The following TMEM132C variants were observed in gnomAD, a reference collection of about 807,000 sequenced individuals.
TMEM132C encodes the protein transmembrane protein 132C, also known as protein phosphatase 1, regulatory subunit 152.
In TMEM132C, 29 loss-of-function variants were observed where a neutral mutation model predicts 61.4. The ratio of observed to expected loss-of-function variants is 0.47; its 90% CI spans 0.35 to 0.64. The LOEUF (loss-of-function observed/expected upper bound fraction) is 0.64. TMEM132C is among the 30% of genes least tolerant of loss of function. The pLI, the probability that TMEM132C is intolerant of heterozygous loss-of-function variation, is 0.00. For synonymous variants in TMEM132C, 656 were observed against 633.1 expected (o/e 1.04, Z -0.54); for missense variants, 1,408 against 1,476.9 (o/e 0.95, Z 0.76).
chr12:128,325,506 AC>A (rs1388476618), intron 1 of TMEM132C, among the ~76,000 whole-genome samples: 1 of 152,192 alleles, frequency 6.6e-6, no homozygotes, highest in African/African-American at 2.4e-5. Context: ...ATATGTGTAT[AC>A]ATGCATGTAT....
At chr12:128,443,961 C>G (rs7137110) in intron 2 of TMEM132C, among the ~76,000 whole-genome samples, 16,557 of 152,184 alleles carry the variant, frequency 0.11, 1,126 homozygotes, top group African/African-American at 0.18. Context: ...CTCACTGTTT[C>G]ACCCAGGCTG....
intron 2 of TMEM132C, among the ~76,000 whole-genome samples, chr12:128,520,540 A>C (rs550560123): frequency 6.6e-6 from 1 of 152,346 alleles, no homozygotes; most frequent in South Asian, 2.1e-4. Flanking sequence ...TGTATACCAC[A>C]GAATTTCTTA....
chr12:128,685,968 G>C (rs893571580), intron 5 of TMEM132C, among the ~76,000 whole-genome samples: 4 of 152,182 alleles, frequency 2.6e-5, no homozygotes, highest in Non-Finnish European at 4.4e-5. Context: ...AATGTTTGCT[G>C]TTGTTATAAA....
chr12:128,469,624 C>CTTTGTGTGTGTG (rs1565945243), intron 2 of TMEM132C, among the ~76,000 whole-genome samples: 26 of 140,820 alleles, frequency 1.8e-4, no homozygotes, highest in African/African-American at 5.7e-4. Context: ...TGCTTGTATG[C>CTTTGTGTGTGTG]TTTGTGTGTG....
At chr12:128,581,610 T>C (rs1875336249) in intron 3 of TMEM132C, among the ~76,000 whole-genome samples, 1 of 152,198 alleles carries the variant, frequency 6.6e-6, no homozygotes, top group Admixed American at 6.5e-5. Flanking sequence ...CCAACCAGGA[T>C]ATTAGACACA....
chr12:128,494,831 T>C (rs915802873), intron 2 of TMEM132C, among the ~76,000 whole-genome samples: 1 of 152,032 alleles, frequency 6.6e-6, no homozygotes, highest in African/African-American at 2.4e-5. Context: ...GGGTTTTTTG[T>C]GTCTCTATCT....
chr12:128,416,711 T>C (rs1471140567), intron 2 of TMEM132C, among the ~76,000 whole-genome samples: 2 of 152,220 alleles, frequency 1.3e-5, no homozygotes, highest in Non-Finnish European at 2.9e-5. Context: ...TCCATTAGTT[T>C]CTCATCTTAA....
intron 2 of TMEM132C, chr12:128,438,192 A>G (rs1238707619): frequency 6.6e-6 from 1 of 151,894 alleles, no homozygotes; most frequent in Non-Finnish European, 1.5e-5. Flanking sequence ...TCTTCTTCAA[A>G]CCTCATGTTG....
chr12:128,339,907 AT>A (rs1196157676), intron 1 of TMEM132C, among the ~76,000 whole-genome samples: 1 of 152,186 alleles, frequency 6.6e-6, no homozygotes, highest in Non-Finnish European at 1.5e-5. Context: ...TGTGAGGACA[AT>A]TCCTGGCCAC....
intron 2 of TMEM132C, among the ~76,000 whole-genome samples, chr12:128,520,561 T>G (rs1336580901): frequency 6.6e-6 from 1 of 152,198 alleles, no homozygotes; most frequent in Non-Finnish European, 1.5e-5. Context: ...GCCTCAACAC[T>G]GCTGACATTT....
chr12:128,343,165 C>T (rs1180210247), intron 1 of TMEM132C, among the ~76,000 whole-genome samples: 1 of 152,094 alleles, frequency 6.6e-6, no homozygotes, highest in Non-Finnish European at 1.5e-5. Flanking sequence ...ATGGCTCATG[C>T]CTGTAATCCC....
intron 3 of TMEM132C, among the ~76,000 whole-genome samples, chr12:128,590,610 CTTT>C (rs1875718152): frequency 6.6e-6 from 1 of 152,120 alleles, no homozygotes; most frequent in Non-Finnish European, 1.5e-5. Context: ...TGGCAACTCC[CTTT>C]TAGACTGTTA....
intron 1 of TMEM132C, among the ~76,000 whole-genome samples, chr12:128,290,494 T>C (rs1207650816): frequency 6.6e-6 from 1 of 152,046 alleles, no homozygotes; most frequent in Non-Finnish European, 1.5e-5. Context: ...CAATTCAAGA[T>C]GAGATTTGGG....
intron 1 of TMEM132C, among the ~76,000 whole-genome samples, chr12:128,355,518 A>G (rs1873475021): frequency 1.3e-5 from 2 of 151,990 alleles, no homozygotes; most frequent in South Asian, 4.2e-4. Context: ...CCTCAACCAC[A>G]GAGATCCTCT....
intron 2 of TMEM132C, among the ~76,000 whole-genome samples, chr12:128,473,859 A>T (rs556808814): frequency 4.7e-4 from 72 of 152,246 alleles, no homozygotes; most frequent in Non-Finnish European, 7.9e-4. Flanking sequence ...TCATCACAGG[A>T]TGCCTAACTT....
intron 1 of TMEM132C, among the ~76,000 whole-genome samples, chr12:128,297,492 A>T (rs952991210): frequency 1.3e-5 from 2 of 152,184 alleles, no homozygotes; most frequent in Non-Finnish European, 2.9e-5. Context: ...TCCTTGGGAT[A>T]GTGACTGTCT....
intron 4 of TMEM132C, among the ~76,000 whole-genome samples, chr12:128,656,437 A>G (rs1954326092): frequency 6.6e-6 from 1 of 152,250 alleles, no homozygotes; most frequent in Admixed American, 6.5e-5. Context: ...TCCCAGTAGC[A>G]GGAAGGGAAA....
chr12:128,541,724 T>A (rs11059759), intron 2 of TMEM132C, among the ~76,000 whole-genome samples: 2 of 151,976 alleles, frequency 1.3e-5, no homozygotes, highest in Non-Finnish European at 2.9e-5. Context: ...GCCCCTCAAC[T>A]GCACTTGCTG....
At chr12:128,350,455 G>C (rs922214185) in intron 1 of TMEM132C, among the ~76,000 whole-genome samples, 4 of 152,288 alleles carry the variant, frequency 2.6e-5, no homozygotes, top group African/African-American at 9.6e-5. Flanking sequence ...AGAGACTTGA[G>C]TGAAGTGAAG....
Sources: gnomAD v4.1 joint callset for allele counts (sites outside exome capture counted in the v4.1 genomes callset) on GRCh38, gnomAD v4.1.1 for gene constraint, MANE v1.5 for transcripts, NCBI Gene and HGNC (gene_info 2026-07-23, HGNC 2026-07-21) for gene names.